Variants in TTLL3 observed in about 807,000 individuals in gnomAD.
TTLL3 encodes tubulin monoglycylase TTLL3.
Under a neutral mutation model 75.2 loss-of-function variants are expected in TTLL3, and 63 were observed. That is an observed-to-expected ratio of 0.84 (90% CI 0.68 to 1.03). TTLL3 has a LOEUF of 1.03. TTLL3 is among the 50% of genes least tolerant of loss of function. TTLL3 has a pLI of 0.00. For missense variants in TTLL3, 997 were observed against 1,069.9 expected, an observed-to-expected ratio of 0.93 and a Z score of 0.95; for synonymous variants, 393 against 418.5, an observed-to-expected ratio of 0.94 and a Z score of 0.74.
At chr3:9,823,958 T>C (rs1229142691) in intron 8 of TTLL3, among the ~76,000 whole-genome samples, 1 of 152,224 alleles carries the variant, frequency 6.6e-6, no homozygotes, top group African/African-American at 2.4e-5. Context: ...ACCCTGTCCG[T>C]GCAGCCCAGT....
Position 9,810,536 on chromosome 3 carries a change from G to A in TTLL3, c.-41-85G>A, listed in dbSNP as rs900401268. On this transcript the variant is annotated intron_variant, in intron 1 of 13. Transcript: ENST00000685419. The surrounding 1 kb of genome is among the most constrained non-coding windows in gnomAD (Gnocchi z 4.4). Reference sequence around the variant, plus strand: ...AGGCAGGAGGAAGAAAAGAGGCGTGGCTATGGGCGGCCAGAAAAGATCCTA... The same window carrying A: ...AGGCAGGAGGAAGAAAAGAGGCGTGACTATGGGCGGCCAGAAAAGATCCTA... 6 of 1,482,722 alleles carry A rather than the reference G, an allele frequency of 4.0e-6. No individual in the cohort carries two copies. The highest frequency in any genetic ancestry group is 4.5e-6 in the Non-Finnish European group (5 of 1,113,658). 91.8% of individuals were successfully genotyped at this position (1,482,722 alleles called of 1,614,324 possible). A position where few individuals can be genotyped will look rare whatever the true frequency, so the allele number is the denominator to read the frequency against.
Position 9,835,360 on chromosome 3 carries a change from C to T in TTLL3, c.2319C>T (p.Ala773=), listed in dbSNP as rs751049382. ...LGKPLLRFPT[A]LVLDPTPNKK... ...AGCCCCTGCTTCGATTCCCCACTGC[C>T]CTTGTCCTGGATCCAACACCAAATA... The change falls in exon 14 of 14, where the codon GCC becomes GCT. Residue 773 remains alanine (A), a synonymous_variant. Transcript: ENST00000685419. 2 of 1,614,156 alleles carry T rather than the reference C, an allele frequency of 1.2e-6. No homozygotes were observed. Among genetic ancestry groups the T allele is most frequent in the Non-Finnish European group, 1.7e-6 (2 of 1,180,026 alleles).
chr3:9,818,997 AC>A (rs1186667303), intron 7 of TTLL3, 77 bp downstream of exon 7: 9 of 1,589,146 alleles, frequency 5.7e-6, no homozygotes, highest in Admixed American at 1.7e-5. Context: ...CTGCCCTTCT[AC>A]CTATCTATTC....
chr3:9,831,633 G>C (rs999070368), intron 11 of TTLL3, among the ~76,000 whole-genome samples: 3 of 152,068 alleles, frequency 2.0e-5, no homozygotes, highest in African/African-American at 7.3e-5. Context: ...TAATTGTTTT[G>C]ATACCAGTTT....
intron 8 of TTLL3, among the ~76,000 whole-genome samples, chr3:9,822,062 C>CTTTTTTT (rs1201552537): frequency 2.7e-5 from 2 of 75,358 alleles, no homozygotes; most frequent in Non-Finnish European, 4.8e-5. Context: ...GCACGAGTCC[C>CTTTTTTT]TTTTTTTTTT....
intron 10 of TTLL3, chr3:9,828,665 CTCTTA>C: frequency 2.3e-6 from 1 of 442,834 alleles, no homozygotes. Context: ...CTTACCCACC[CTCTTA>C]TCTTCCAGAC....
At chr3:9,816,604 C>T (rs903842751) in intron 5 of TTLL3, among the ~76,000 whole-genome samples, 8 of 148,798 alleles carry the variant, frequency 5.4e-5, no homozygotes, top group African/African-American at 1.5e-4. Context: ...GCAACCTCTG[C>T]CTCCCAGTTC....
At chr3:9,817,459 G>A in intron 5 of TTLL3, 186 bp from the exon 6 acceptor site, 2 of 985,230 alleles carry the variant, frequency 2.0e-6, no homozygotes, top group Non-Finnish European at 2.4e-6. Flanking sequence ...GGACAGGAGG[G>A]ACATCAGGCA....
At chr3:9,825,544 G>A in intron 8 of TTLL3, 1 of 552,252 alleles carries the variant, frequency 1.8e-6, no homozygotes, top group South Asian at 1.9e-5. Context: ...CAGGTGGAGT[G>A]TTGGAGTAGG....
At chr3:9,817,407 G>A (rs949392363) in intron 5 of TTLL3, 1 of 978,100 alleles carries the variant, frequency 1.0e-6, no homozygotes, top group Non-Finnish European at 1.2e-6. Flanking sequence ...CTGGGTGACA[G>A]AGTGAGACTC....
rs563598191 is a variant in TTLL3, at chr3:9,828,957, C to T, written c.1248-3C>T. ...GACCTCAGTTTTCTGTTCTCTGCCC[C>T]AGCTCAGTGCACCTGTGCAACAACT... On this transcript the variant is annotated splice_region_variant and splice_polypyrimidine_tract_variant and intron_variant, in intron 10 of 13. Coordinates refer to ENST00000685419, the MANE Select transcript of TTLL3 (RefSeq NM_001387446.1). The T allele has an allele frequency of 8.1e-6, 13 of 1,614,106 alleles. No homozygotes were observed. Among genetic ancestry groups the T allele is most frequent in the East Asian group, 6.7e-5 (3 of 44,870 alleles).
Position 9,813,086 on chromosome 3 carries a change from G to C in TTLL3, c.192G>C (p.Met64Ile), listed in dbSNP as rs780458264. 1.3e-6 allele frequency: 2 copies of C among 1,580,380 alleles called. No individual in the cohort carries two copies. Among genetic ancestry groups the C allele is most frequent in the South Asian group, 2.3e-5 (2 of 86,850 alleles). The part of the protein sequence containing the change: ...PPQKDLDSSA[M>I]GDSDTTEDED... ...AGAAGGATCTGGATAGCTCAGCGATGGGTGACAGTGACACCACTGAGGATG... is the reference window on the plus strand; with the variant it reads ...AGAAGGATCTGGATAGCTCAGCGATCGGTGACAGTGACACCACTGAGGATG... Residue 64 changes from methionine to isoleucine, a missense_variant, in exon 3 of 14, where the codon ATG becomes ATC. Coordinates refer to ENST00000685419, the MANE Select transcript of TTLL3 (RefSeq NM_001387446.1).
chr3:9,818,987 CT>C, intron 7 of TTLL3, 67 bp downstream of exon 7: 5 of 1,603,544 alleles, frequency 3.1e-6, no homozygotes, highest in Non-Finnish European at 4.3e-6. Context: ...TTCCACCTAT[CT>C]GCCCTTCTAC....
chr3:9,827,688 C>T (rs1027013818), intron 10 of TTLL3: 1 of 214,000 alleles, frequency 4.7e-6, no homozygotes, highest in Non-Finnish European at 9.5e-6. Context: ...ATGCCTGGCC[C>T]CTCCAACAGA....
chr3:9,826,018 T>C, intron 9 of TTLL3, 70 bp downstream of exon 9: 1 of 1,570,104 alleles, frequency 6.4e-7, no homozygotes, highest in South Asian at 1.2e-5. Flanking sequence ...GCCAAGGAAG[T>C]TAATAGTGCA....
chr3:9,827,331 G>A (rs2081136908), intron 10 of TTLL3, 91 bp downstream of exon 10: 2 of 1,540,680 alleles, frequency 1.3e-6, no homozygotes, highest in East Asian at 4.6e-5. Flanking sequence ...GACTCGCGCA[G>A]CAGCGCTAGG....
intron 7 of TTLL3, 171 bp from the exon 8 acceptor site, chr3:9,820,375 G>C (rs1037972446): frequency 1.3e-6 from 2 of 1,482,638 alleles, no homozygotes; most frequent in Admixed American, 2.5e-5. Flanking sequence ...GAGTTGCAGT[G>C]AATTTAGAGC....
rs1046674089 is a variant in TTLL3, at chr3:9,810,288, C to G, written c.-148C>G. On this transcript the variant is annotated 5_prime_UTR_variant, in exon 1 of 14. Transcript: ENST00000685419. The surrounding 1 kb of genome is among the most constrained non-coding windows in gnomAD (Gnocchi z 4.4). ...GCCCCGCCCCTGCGCGCCGCCTCAG[C>G]GGCGCCTTCAAGACGCTGGTCCCAG... The G allele has an allele frequency of 4.0e-6, 6 of 1,500,770 alleles. No homozygotes were observed. In the South Asian group the frequency reaches 5.0e-5, roughly 12 times the overall value. The allele number at this position is 1,500,770 out of a possible 1,614,324, so 93.0% of individuals were successfully genotyped here.
At chr3:9,815,771 C>T (rs772373785) in intron 4 of TTLL3, among the ~76,000 whole-genome samples, 16 of 152,380 alleles carry the variant, frequency 1.1e-4, no homozygotes, top group African/African-American at 1.7e-4. Flanking sequence ...ACGCTGCCAC[C>T]GCCTGGGGGC....
Sources: gnomAD v4.1 joint callset for allele counts (sites outside exome capture counted in the v4.1 genomes callset) on GRCh38, gnomAD v4.1.1 for gene constraint, Gnocchi (gnomAD v3.1) non-coding constraint, MANE v1.5 for transcripts, NCBI Gene and HGNC (gene_info 2026-07-23, HGNC 2026-07-21) for gene names.